Variants in KCNU1 observed in about 807,000 individuals in gnomAD.
KCNU1 encodes potassium calcium-activated channel subfamily U member 1, also known as potassium channel subfamily U member 1.
Under a neutral mutation model 126.8 loss-of-function variants are expected in KCNU1, and 93 were observed. The ratio of observed to expected loss-of-function variants is 0.73; its 90% CI spans 0.62 to 0.87. The LOEUF is 0.87. Among genes scored for constraint, KCNU1 ranks in the 40% least tolerant of loss-of-function variants. The pLI, the probability that KCNU1 is intolerant of heterozygous loss-of-function variation, is 0.00. For missense variants in KCNU1, 1,330 were observed against 1,367.1 expected (o/e 0.97, Z 0.43); for synonymous variants, 523 against 494.2 (o/e 1.06, Z -0.77).
At chr8:36,875,592 T>G (rs1359255705) in intron 19 of KCNU1, among the ~76,000 whole-genome samples, 1 of 151,920 alleles carries the variant, frequency 6.6e-6, no homozygotes, top group East Asian at 1.9e-4. Flanking sequence ...TTGAGAGCAA[T>G]GCAAATGACC....
chr8:36,865,610 TA>T (rs36114647), intron 19 of KCNU1, among the ~76,000 whole-genome samples: 4,026 of 138,206 alleles, frequency 0.029, 112 homozygotes, highest in African/African-American at 0.074. Context: ...CTGCAAAAAT[TA>T]AAAAAAAAAA....
At chr8:36,906,186 T>TTA (rs1469647165) in intron 20 of KCNU1, among the ~76,000 whole-genome samples, 2 of 151,710 alleles carry the variant, frequency 1.3e-5, no homozygotes, top group African/African-American at 4.8e-5. Flanking sequence ...GCAGTCTTTT[T>TTA]TTTTTTTTTA....
chr8:36,893,018 G>A (rs912453428), intron 19 of KCNU1, among the ~76,000 whole-genome samples: 1 of 152,140 alleles, frequency 6.6e-6, no homozygotes, highest in African/African-American at 2.4e-5. Flanking sequence ...ACAGCATGCA[G>A]TGGCATGATC....
chr8:36,809,238 TAC>T (rs1408440906), intron 7 of KCNU1, among the ~76,000 whole-genome samples: 1 of 152,168 alleles, frequency 6.6e-6, no homozygotes, highest in African/African-American at 2.4e-5. Flanking sequence ...AATCAATCTG[TAC>T]ACCTAGCTGC....
intron 16 of KCNU1, among the ~76,000 whole-genome samples, chr8:36,842,260 T>A (rs1024857097): frequency 3.9e-5 from 6 of 152,324 alleles, no homozygotes; most frequent in Non-Finnish European, 7.3e-5. Context: ...AATGCAATAA[T>A]TTTCAATTAT....
At chr8:36,895,549 A>G (rs766165428) in intron 19 of KCNU1, among the ~76,000 whole-genome samples, 4 of 152,296 alleles carry the variant, frequency 2.6e-5, no homozygotes, top group Non-Finnish European at 5.9e-5. Flanking sequence ...CAGAGCTAAC[A>G]TGTGAAACTT....
At chr8:36,904,247 C>T (rs1205437128) in intron 19 of KCNU1, among the ~76,000 whole-genome samples, 9 of 152,166 alleles carry the variant, frequency 5.9e-5, no homozygotes, top group African/African-American at 2.2e-4. Flanking sequence ...ACATGTCCAG[C>T]ACAGGCCAAG....
rs770990918 is a variant in KCNU1, at chr8:36,935,860, A to G, written c.3390A>G (p.Glu1130=). 4.2e-5 allele frequency: 67 copies of G among 1,611,956 alleles called. No individual in the cohort carries two copies. Among genetic ancestry groups the G allele is most frequent in the Non-Finnish European group, 5.7e-5 (67 of 1,179,066 alleles). ...IPLGDNAKEN[E]RKTSDEVYDE... is the part of the protein sequence containing the mutation. ...TAGGTGACAATGCAAAAGAAAATGAAAGGAAAACTTCAGATGAGGTTTATG... is the reference window on the plus strand; with the variant it reads ...TAGGTGACAATGCAAAAGAAAATGAGAGGAAAACTTCAGATGAGGTTTATG... Residue 1130 remains glutamate (E), a synonymous_variant, in exon 27 of 27, where the codon GAA becomes GAG. Coordinates refer to ENST00000399881, the MANE Select transcript of KCNU1 (RefSeq NM_001031836.3).
In KCNU1 at chr8:36,804,203, A is replaced by G. The variant is rs955433171; in HGVS notation, c.377+115A>G. On this transcript the variant is annotated intron_variant, in intron 3 of 26. Coordinates refer to ENST00000399881, the MANE Select transcript of KCNU1 (RefSeq NM_001031836.3). ...TACTTTCACACACACATGCACGCAC[A>G]CACACAAACTCATAAAAAGTGATAT... The G allele has an allele frequency of 7.2e-6, 5 of 697,276 alleles. No individual in the cohort carries two copies. The African/African-American group carries it at 7.2e-5, about 10-fold the overall frequency. The allele number at this position is 697,276 out of a possible 1,614,324, so 43.2% of individuals were successfully genotyped here. A position where few individuals can be genotyped will look rare whatever the true frequency, so the allele number is the denominator to read the frequency against.
In KCNU1 at chr8:36,896,726, TTC is replaced by T. The variant is rs1239850455; in HGVS notation, c.2010-8981_2010-8980del. ...AGAGAACATGCAGTTTATTTTCTTTTTCACACAGTAAAAAGAGCTTAGACATG... is the reference window on the plus strand; with the variant it reads ...AGAGAACATGCAGTTTATTTTCTTTTACACAGTAAAAAGAGCTTAGACATG... On this transcript the variant is annotated intron_variant, in intron 19 of 26. Coordinates refer to ENST00000399881, the MANE Select transcript of KCNU1 (RefSeq NM_001031836.3). Among the ~76,000 whole-genome samples, 5 of 152,192 alleles carry T rather than the reference TTC, an allele frequency of 3.3e-5. No homozygotes were observed. In the South Asian group the frequency reaches 1.0e-3, roughly 32 times the overall value.
At chr8:36,850,279 A>G (rs1805293786) in intron 18 of KCNU1, among the ~76,000 whole-genome samples, 1 of 152,126 alleles carries the variant, frequency 6.6e-6, no homozygotes, top group South Asian at 2.1e-4. Flanking sequence ...TTTTTGTTAC[A>G]TATTTTGAAT....
At chr8:36,901,187 T>C (rs72634146) in intron 19 of KCNU1, among the ~76,000 whole-genome samples, 2,184 of 152,234 alleles carry the variant, frequency 0.014, 28 homozygotes, top group Non-Finnish European at 0.021. Flanking sequence ...AATCTGTAAG[T>C]TGGAGAAAAT....
chr8:36,914,580 G>A (rs772083988), intron 22 of KCNU1, among the ~76,000 whole-genome samples: 1 of 152,144 alleles, frequency 6.6e-6, no homozygotes, highest in African/African-American at 2.4e-5. Flanking sequence ...ATTCACCAAC[G>A]GAAATTGGAT....
chr8:36,837,828 T>C (rs754100222), intron 14 of KCNU1, among the ~76,000 whole-genome samples: 12 of 152,184 alleles, frequency 7.9e-5, no homozygotes, highest in Non-Finnish European at 1.5e-4. Context: ...AGAATGACCT[T>C]ACTTTCCATT....
At chr8:36,840,864 A>G in intron 15 of KCNU1, 68 bp from the exon 16 acceptor site, 2 of 1,060,366 alleles carry the variant, frequency 1.9e-6, no homozygotes, top group East Asian at 2.4e-5. Context: ...CACAGAGCAC[A>G]GAGTGTTAGT....
At chr8:36,886,139 G>A (rs1369129365) in intron 19 of KCNU1, among the ~76,000 whole-genome samples, 1 of 152,242 alleles carries the variant, frequency 6.6e-6, no homozygotes, top group African/African-American at 2.4e-5. Context: ...ATTCAAGAAG[G>A]AGTTCTTAGG....
intron 18 of KCNU1, among the ~76,000 whole-genome samples, chr8:36,846,497 C>A (rs1805149939): frequency 6.6e-6 from 1 of 152,128 alleles, no homozygotes; most frequent in Non-Finnish European, 1.5e-5. Context: ...ATCACTTAGT[C>A]CCTTCTAGTT....
chr8:36,898,626 G>A (rs369482052), intron 19 of KCNU1, among the ~76,000 whole-genome samples: 40 of 152,158 alleles, frequency 2.6e-4, no homozygotes, highest in Admixed American at 5.2e-4. Flanking sequence ...TTTCAGTAAT[G>A]CGTTTTAGGA....
chr8:36,842,468 A>G (rs1352895627), intron 16 of KCNU1, among the ~76,000 whole-genome samples: 1 of 152,166 alleles, frequency 6.6e-6, no homozygotes, highest in African/African-American at 2.4e-5. Context: ...TGTGCTCAAG[A>G]AAATCTCACA....
Sources: allele counts gnomAD v4.1 joint callset (sites outside exome capture counted in the v4.1 genomes callset), GRCh38; gene constraint gnomAD v4.1.1; transcripts MANE v1.5; gene names NCBI Gene and HGNC (gene_info 2026-07-23, HGNC 2026-07-21).